MSN: variants seen among roughly 807,000 people sequenced by gnomAD.
MSN encodes the protein moesin.
Under a neutral mutation model 48.0 loss-of-function variants are expected in MSN, and 2 were observed. The ratio of observed to expected loss-of-function variants is 0.04; its 90% CI spans 0.02 to 0.13. The LOEUF is 0.13. MSN is among the 10% of genes least tolerant of loss of function. The pLI, the probability that MSN is intolerant of heterozygous loss-of-function variation, is 1.00. For synonymous variants in MSN, 146 were observed against 166.9 expected (o/e 0.87, Z 0.97); for missense variants, 267 against 470.1 (o/e 0.57, Z 3.99).
At chrX:65,650,733 A>G (rs1409966025) in intron 1 of MSN, among the ~76,000 whole-genome samples, 1 of 112,520 alleles carries the variant, frequency 8.9e-6, no homozygotes, top group Non-Finnish European at 1.9e-5. Flanking sequence ...GTAACAAATT[A>G]TGAGTGGTTT....
chrX:65,705,853 G>A (rs1195376888), intron 1 of MSN, among the ~76,000 whole-genome samples: 3 of 111,879 alleles, frequency 2.7e-5, no homozygotes, highest in African/African-American at 9.8e-5. Flanking sequence ...GGAGCAGTTG[G>A]AGTGGTTGAA....
chrX:65,690,643 C>T (rs931885587), intron 1 of MSN, among the ~76,000 whole-genome samples: 12 of 111,800 alleles, frequency 1.1e-4, no homozygotes, highest in African/African-American at 3.6e-4. Context: ...TGACTTCACT[C>T]CTCAGATCCA....
chrX:65,738,734 G>A, intron 11 of MSN, 117 bp downstream of exon 11: 1 of 713,647 alleles, frequency 1.4e-6, no homozygotes, highest in Admixed American at 3.2e-5. Flanking sequence ...CCCACAGCAG[G>A]CAGCATGGGA....
At chrX:65,711,728 T>C (rs2071417515) in intron 1 of MSN, among the ~76,000 whole-genome samples, 1 of 111,765 alleles carries the variant, frequency 8.9e-6, no homozygotes, top group South Asian at 3.7e-4. Context: ...TTTACAAATA[T>C]TCTAAGAAGG....
At chrX:65,593,197 C>T (rs1323682314) in intron 1 of MSN, 1 of 109,118 alleles carries the variant, frequency 9.2e-6, no homozygotes, top group Non-Finnish European at 1.9e-5. Flanking sequence ...GTTTTTTCCT[C>T]CCTCCTTTTC....
At chrX:65,648,574 A>T (rs1219875900) in intron 1 of MSN, among the ~76,000 whole-genome samples, 2 of 107,471 alleles carry the variant, frequency 1.9e-5, no homozygotes, top group Non-Finnish European at 3.8e-5. Context: ...TAAAAATAAA[A>T]AATAAATAAA....
At chrX:65,653,705 C>T (rs1363530043) in intron 1 of MSN, among the ~76,000 whole-genome samples, 1 of 109,689 alleles carries the variant, frequency 9.1e-6, no homozygotes, top group Non-Finnish European at 1.9e-5. Flanking sequence ...CATCTGGGGG[C>T]CCAGGAAGAC....
intron 1 of MSN, among the ~76,000 whole-genome samples, chrX:65,693,481 A>G (rs1432231731): frequency 9.0e-6 from 1 of 111,574 alleles, no homozygotes; most frequent in African/African-American, 3.3e-5. Context: ...ACTAAAGAAT[A>G]TTTATGAGTA....
intron 4 of MSN, 106 bp downstream of exon 4, chrX:65,729,818 G>A: frequency 5.8e-6 from 5 of 865,112 alleles, no homozygotes; most frequent in Non-Finnish European, 8.0e-6. Flanking sequence ...TCTCCATTGG[G>A]GTCTGTCTGA....
chrX:65,680,895 TG>T (rs1263179114), intron 1 of MSN, among the ~76,000 whole-genome samples: 1 of 110,479 alleles, frequency 9.1e-6, no homozygotes, highest in Non-Finnish European at 1.9e-5. Context: ...ATTACAGGGA[TG>T]TGCCACCAAA....
rs1447662359 is a variant in MSN, at chrX:65,635,818, G to A, written c.-22+47206G>A. On this transcript the variant is annotated intron_variant, in intron 1 of 3. Coordinates refer to the MSN transcript ENST00000609672. ...TCATGAGCCATCCAGAAAGTGGGAA[G>A]GGATGAATAACATGTGCCTCAATTC... is the stretch of plus-strand genomic sequence containing the variant. 4.5e-5 allele frequency among the ~76,000 whole-genome samples: 5 copies of A among 111,882 alleles called. No individual in the cohort carries two copies. The East Asian group carries it at 1.4e-3, about 31-fold the overall frequency.
rs1012185225 is a variant in MSN at position 65,671,009 on chromosome X, A to T, written c.12+3156A>T. Among the ~76,000 whole-genome samples, 10 of 91,076 alleles carry T rather than the reference A, an allele frequency of 1.1e-4. 1 individual carries two copies. Among genetic ancestry groups the T allele is most frequent in the Admixed American group, 7.7e-4 (6 of 7,833 alleles). The allele number at this position is 91,076 out of a possible 115,157, so 79.1% of individuals were successfully genotyped here. Reference sequence around the variant, plus strand: ...TCTTTAATTTTTTTCTTTTAGGATCACAAAGGCTTTGAGGCTTTCTTGGAT... The same window carrying T: ...TCTTTAATTTTTTTCTTTTAGGATCTCAAAGGCTTTGAGGCTTTCTTGGAT... On this transcript the variant is annotated intron_variant, in intron 1 of 12. Transcript: ENST00000360270.
intron 9 of MSN, 26 bp from the exon 10 acceptor site, chrX:65,737,152 G>T: frequency 8.4e-7 from 1 of 1,194,821 alleles, no homozygotes; most frequent in Non-Finnish European, 1.1e-6. Context: ...GCTCTTCACT[G>T]CCTTCTCCCC....
At chrX:65,636,329 A>G (rs985947850) in intron 1 of MSN, among the ~76,000 whole-genome samples, 2 of 111,766 alleles carry the variant, frequency 1.8e-5, no homozygotes, top group African/African-American at 6.5e-5. Context: ...CTTACTTGCT[A>G]TGTTTCCCTT....
At chrX:65,677,137 ATT>A (rs962899078) in intron 1 of MSN, among the ~76,000 whole-genome samples, 1 of 110,703 alleles carries the variant, frequency 9.0e-6, no homozygotes, top group African/African-American at 3.3e-5. Flanking sequence ...TGATCCATTT[ATT>A]TTTTCAGATT....
chrX:65,676,078 T>C (rs1357573633), intron 1 of MSN, among the ~76,000 whole-genome samples: 1 of 112,887 alleles, frequency 8.9e-6, no homozygotes, highest in African/African-American at 3.2e-5. Context: ...GAAACAGCTT[T>C]TAATTCTCTC....
intron 3 of MSN, among the ~76,000 whole-genome samples, chrX:65,728,741 G>T (rs1306660952): frequency 9.0e-6 from 1 of 111,558 alleles, no homozygotes; most frequent in Non-Finnish European, 1.9e-5. Flanking sequence ...TTTTACCTCA[G>T]TTGGACCCCA....
chrX:65,722,047 ACTC>A (rs1051823780), intron 2 of MSN, among the ~76,000 whole-genome samples: 4 of 111,940 alleles, frequency 3.6e-5, no homozygotes, highest in African/African-American at 1.3e-4. Flanking sequence ...GCACCACTGC[ACTC>A]CAGCTTGGTT....
At chrX:65,692,876 C>T (rs1283369807) in intron 1 of MSN, among the ~76,000 whole-genome samples, 3 of 111,159 alleles carry the variant, frequency 2.7e-5, no homozygotes, top group South Asian at 3.8e-4. Context: ...TACGAGGTTT[C>T]GCCATATTGG....
Sources: allele counts gnomAD v4.1 joint callset (sites outside exome capture counted in the v4.1 genomes callset), GRCh38; gene constraint gnomAD v4.1.1; transcripts MANE v1.5; gene names NCBI Gene and HGNC (gene_info 2026-07-23, HGNC 2026-07-21).